The following NELL1 variants were observed in gnomAD, a reference collection of about 807,000 sequenced individuals.
The protein encoded by NELL1 is neural EGFL like 1.
A neutral mutation model predicts 107.4 loss-of-function variants in NELL1; 76 were observed. The ratio of observed to expected loss-of-function variants is 0.71; its 90% CI spans 0.59 to 0.86. The LOEUF is 0.86. Ranked by LOEUF, NELL1 falls within the 40% of genes least tolerant of loss-of-function variation. The pLI, the probability that NELL1 is intolerant of heterozygous loss-of-function variation, is 0.00. For missense variants in NELL1, 1,024 were observed against 1,005.5 expected, an observed-to-expected ratio of 1.02 and a Z score of -0.25; for synonymous variants, 353 against 341.2, an observed-to-expected ratio of 1.03 and a Z score of -0.38.
chr11:21,067,597 T>G (rs1275484785), intron 12 of NELL1, among the ~76,000 whole-genome samples: 1 of 152,182 alleles, frequency 6.6e-6, no homozygotes, highest in Non-Finnish European at 1.5e-5. Flanking sequence ...GAAAAAGATG[T>G]GTTAACGAAG....
At chr11:20,849,665 A>G (rs945735130) in intron 4 of NELL1, among the ~76,000 whole-genome samples, 1 of 152,186 alleles carries the variant, frequency 6.6e-6, no homozygotes, top group African/African-American at 2.4e-5. Context: ...CTTGGAGGGA[A>G]AACTTATGAA....
At chr11:20,723,833 G>A (rs866941464) in intron 2 of NELL1, among the ~76,000 whole-genome samples, 3 of 152,182 alleles carry the variant, frequency 2.0e-5, no homozygotes, top group Non-Finnish European at 4.4e-5. Flanking sequence ...GTACATCCAG[G>A]TGTTTCCATA....
intron 12 of NELL1, among the ~76,000 whole-genome samples, chr11:21,071,970 G>C (rs564353573): frequency 1.3e-5 from 2 of 152,046 alleles, no homozygotes; most frequent in African/African-American, 4.8e-5. Flanking sequence ...TCATTATGCT[G>C]CCCAATTTGG....
Position 20,835,756 on chromosome 11 carries a change from A to G in NELL1, c.336-11827A>G, listed in dbSNP as rs141441106. 3.3e-3 allele frequency among the ~76,000 whole-genome samples: 496 copies of G among 152,340 alleles called. 7 individuals are homozygous for G. Among genetic ancestry groups the G allele is most frequent in the African/African-American group, 0.011 (476 of 41,570 alleles). ...AAAGAATTAACTGGACAAAGACCCT[A>G]TGCCTTTTACATAAATTAACTCAAA... On this transcript the variant is annotated intron_variant, in intron 3 of 19. Transcript: ENST00000357134.
At chr11:21,389,734 A>G (rs966810673) in intron 15 of NELL1, among the ~76,000 whole-genome samples, 3 of 151,786 alleles carry the variant, frequency 2.0e-5, no homozygotes, top group African/African-American at 7.2e-5. Context: ...AGATTTATTC[A>G]TGCTGTGAAT....
chr11:21,395,631 C>A (rs184862283), intron 15 of NELL1, among the ~76,000 whole-genome samples: 1 of 151,390 alleles, frequency 6.6e-6, no homozygotes, highest in Non-Finnish European at 1.5e-5. Context: ...ACAGTGGAAT[C>A]GCTTCTATTA....
intron 2 of NELL1, among the ~76,000 whole-genome samples, chr11:20,716,848 T>C (rs777375765): frequency 9.2e-5 from 14 of 152,242 alleles, no homozygotes; most frequent in Non-Finnish European, 1.8e-4. Flanking sequence ...ATTGGGTATG[T>C]AGCAAACACT....
intron 15 of NELL1, among the ~76,000 whole-genome samples, chr11:21,424,651 A>G (rs1242482276): frequency 6.6e-6 from 1 of 152,116 alleles, no homozygotes; most frequent in African/African-American, 2.4e-5. Flanking sequence ...CAGAAAACAA[A>G]AACAAAAAAA....
chr11:21,466,277 C>T (rs537846340), intron 15 of NELL1, among the ~76,000 whole-genome samples: 2 of 152,256 alleles, frequency 1.3e-5, no homozygotes, highest in East Asian at 3.9e-4. Flanking sequence ...GGCGACTAGA[C>T]ATGGCACCCT....
intron 15 of NELL1, among the ~76,000 whole-genome samples, chr11:21,463,689 C>A (rs911517522): frequency 4.6e-5 from 7 of 152,072 alleles, no homozygotes; most frequent in African/African-American, 1.7e-4. Context: ...CCTGTTTTAT[C>A]TATTGCTGTA....
intron 3 of NELL1, among the ~76,000 whole-genome samples, chr11:20,823,615 T>C (rs868604073): frequency 1.3e-5 from 2 of 151,402 alleles, no homozygotes; most frequent in African/African-American, 4.8e-5. Context: ...GAAATTGTTA[T>C]AAAATCTCCT....
chr11:21,060,390 T>A (rs529651577), intron 12 of NELL1, among the ~76,000 whole-genome samples: 1 of 152,354 alleles, frequency 6.6e-6, no homozygotes, highest in East Asian at 1.9e-4. Flanking sequence ...GCTGTTGTTG[T>A]TAATTAATAA....
intron 15 of NELL1, among the ~76,000 whole-genome samples, chr11:21,407,884 A>G (rs528474272): frequency 1.3e-5 from 2 of 151,980 alleles, no homozygotes; most frequent in East Asian, 1.9e-4. Context: ...TCAACTCTCT[A>G]TGGTCCATTT....
intron 4 of NELL1, among the ~76,000 whole-genome samples, chr11:20,881,065 G>A (rs573815376): frequency 6.6e-6 from 1 of 152,292 alleles, no homozygotes; most frequent in African/African-American, 2.4e-5. Context: ...AACAAAGTGG[G>A]TTCCAGGAGA....
rs553918086 is a variant in NELL1 at position 21,279,289 on chromosome 11, C to G, written c.1549+49835C>G. Among the ~76,000 whole-genome samples, 166 of 152,094 alleles carry G rather than the reference C, an allele frequency of 1.1e-3. 1 individual carries two copies. Among genetic ancestry groups the G allele is most frequent in the African/African-American group, 3.9e-3 (163 of 41,500 alleles). On this transcript the variant is annotated intron_variant, in intron 14 of 19. Coordinates refer to ENST00000357134, the MANE Select transcript of NELL1 (RefSeq NM_006157.5). ...AATATGAAATTCATTAAATTTGTAA[C>G]GTTTGTTCTAGAAAAGACACTGTCA...
chr11:20,748,759 T>C (rs1273426636), intron 2 of NELL1, among the ~76,000 whole-genome samples: 1 of 152,150 alleles, frequency 6.6e-6, no homozygotes, highest in Non-Finnish European at 1.5e-5. Flanking sequence ...TATGGCTAAA[T>C]AGTATTCCAT....
chr11:20,982,590 T>A (rs986919328), intron 12 of NELL1, among the ~76,000 whole-genome samples: 4 of 152,338 alleles, frequency 2.6e-5, no homozygotes, highest in Admixed American at 2.6e-4. Context: ...AGATATAGGA[T>A]GTTATTCATA....
intron 17 of NELL1, among the ~76,000 whole-genome samples, chr11:21,568,290 C>T (rs1049125529): frequency 6.6e-6 from 1 of 151,612 alleles, no homozygotes. Context: ...AAATGGTATA[C>T]CTGTATAGAA....
At chr11:20,774,623 T>C (rs567782350) in intron 2 of NELL1, among the ~76,000 whole-genome samples, 2 of 152,210 alleles carry the variant, frequency 1.3e-5, no homozygotes, top group South Asian at 4.1e-4. Flanking sequence ...TCTTCATGAA[T>C]AGAAGGTGTG....
Sources: gnomAD v4.1 joint callset for allele counts (sites outside exome capture counted in the v4.1 genomes callset) on GRCh38, gnomAD v4.1.1 for gene constraint, MANE v1.5 for transcripts, NCBI Gene and HGNC (gene_info 2026-07-23, HGNC 2026-07-21) for gene names.